The following CYP7B1 variants were observed in gnomAD, a reference collection of about 807,000 sequenced individuals.
CYP7B1 encodes cytochrome P450 family 7 subfamily B member 1, also known as cytochrome P450 7B1.
CYP7B1 carries 29 observed loss-of-function variants against 42.7 expected under a neutral mutation model. That is an observed-to-expected ratio of 0.68 (90% confidence interval 0.51 to 0.93). The LOEUF (loss-of-function observed/expected upper bound fraction) is 0.93. Among genes scored for constraint, CYP7B1 ranks in the 40% least tolerant of loss-of-function variants. The pLI is 0.00. For missense variants in CYP7B1, 655 were observed against 600.5 expected (o/e 1.09, Z -0.95); for synonymous variants, 235 against 218.2 (o/e 1.08, Z -0.68).
At chr8:64,777,477 A>G (rs1215199096) in intron 1 of CYP7B1, among the ~76,000 whole-genome samples, 1 of 152,132 alleles carries the variant, frequency 6.6e-6, no homozygotes, top group Non-Finnish European at 1.5e-5. Context: ...ATGCAGGTCA[A>G]TTTGAGCCCT....
At chr8:64,725,737 T>C (rs1258871316) in intron 1 of CYP7B1, among the ~76,000 whole-genome samples, 1 of 152,170 alleles carries the variant, frequency 6.6e-6, no homozygotes, top group Non-Finnish European at 1.5e-5. Context: ...TAGATATCTT[T>C]TGGTGATGAA....
rs981969611 is a variant in CYP7B1 at position 64,624,514 on chromosome 8, T to G, written c.148A>C (p.Lys50Gln). ...ACTCCAAGATAAGGAAGCCAACCTTTTATCAATGGAGGCTCACCGGGTCTC... is the reference window on the plus strand; with the variant it reads ...ACTCCAAGATAAGGAAGCCAACCTTGTATCAATGGAGGCTCACCGGGTCTC... ...TRRPGEPPLI[K>Q]GWLPYLGVVL... Residue 50 changes from lysine to glutamine, a missense_variant, in exon 2 of 6, where the codon AAA becomes CAA. Physicochemically the swap from Lys to Gln is moderately conservative, Grantham distance 53. Transcript: ENST00000310193. 21 of 1,613,562 alleles carry G rather than the reference T, an allele frequency of 1.3e-5. No homozygotes were observed. The highest frequency in any genetic ancestry group is 1.7e-5 in the Non-Finnish European group (20 of 1,179,908).
At chr8:64,586,823 C>T (rs896769681), downstream of CYP7B1, among the ~76,000 whole-genome samples, 26 of 152,218 alleles carry the variant, frequency 1.7e-4, no homozygotes, top group Admixed American at 1.6e-3. Context: ...GGCTCCTGTG[C>T]TCTCTGTATT....
At position 64,635,762 on chromosome 8, in the gene CYP7B1, T is replaced by C. The variant is rs73689561; in HGVS notation, c.123-11223A>G. ...AAATGTATTTTCACCCTCCAGAGCA[T>C]AACTCTTCAAGCCATATACCAGCTG... On this transcript the variant is annotated intron_variant, in intron 1 of 5. Transcript: ENST00000310193. Among the ~76,000 whole-genome samples, 188 of 152,348 alleles carry C rather than the reference T, an allele frequency of 1.2e-3. 1 individual carries two copies. Among genetic ancestry groups the C allele is most frequent in the African/African-American group, 4.3e-3 (178 of 41,584 alleles).
chr8:64,775,953 C>A (rs558265200), intron 1 of CYP7B1, among the ~76,000 whole-genome samples: 2 of 152,184 alleles, frequency 1.3e-5, no homozygotes, highest in East Asian at 3.9e-4. Flanking sequence ...GAAAACTGAG[C>A]CTTAGAGAAA....
rs149507895 is a variant in CYP7B1, at chr8:64,706,323, C to T, written c.123-81784G>A. Among the ~76,000 whole-genome samples the T allele has an allele frequency of 5.3e-3, 813 of 152,042 alleles. 22 individuals carry two copies. Among genetic ancestry groups the T allele is most frequent in the Admixed American group, 0.043 (662 of 15,236 alleles). On this transcript the variant is annotated intron_variant, in intron 1 of 5. Transcript: ENST00000310193. ...TGCCAATAATGAGTATAAGGGAAAA[C>T]ATTTAAAATGTAGGCGTTCTTTTTA...
chr8:64,765,638 C>T lies in CYP7B1; in HGVS notation c.122+32828G>A, dbSNP rs375370056. Among the ~76,000 whole-genome samples the T allele has an allele frequency of 1.6e-4, 24 of 152,224 alleles. No individual in the cohort carries two copies. In the East Asian group the frequency reaches 4.6e-3, roughly 29 times the overall value. ...AGTGAGCGTTAACTAATCCGATAAGCAGAGGTCCATGGGTGGTTACGCACC... is the reference window on the plus strand; with the variant it reads ...AGTGAGCGTTAACTAATCCGATAAGTAGAGGTCCATGGGTGGTTACGCACC... On this transcript the variant is annotated intron_variant, in intron 1 of 5. Coordinates refer to ENST00000310193, the MANE Select transcript of CYP7B1 (RefSeq NM_004820.5).
intron 1 of CYP7B1, among the ~76,000 whole-genome samples, chr8:64,764,229 G>GCCCCCCCCCCCCCC (rs59605103): frequency 1.6e-5 from 2 of 125,148 alleles, no homozygotes; most frequent in African/African-American, 3.1e-5. Context: ...CTTCCACGCT[G>GCCCCCCCCCCCCCC]CCCCCCCCAC....
chr8:64,777,937 A>G (rs1285795840), intron 1 of CYP7B1, among the ~76,000 whole-genome samples: 4 of 151,842 alleles, frequency 2.6e-5, no homozygotes, highest in Non-Finnish European at 5.9e-5. Context: ...CTTTCCCTTA[A>G]AAAGTAAGAG....
chr8:64,640,078 A>G (rs1260410571), intron 1 of CYP7B1, among the ~76,000 whole-genome samples: 1 of 152,114 alleles, frequency 6.6e-6, no homozygotes, highest in East Asian at 1.9e-4. Context: ...TTTATATGAA[A>G]TTTTTTGAAA....
At chr8:64,729,169 G>A (rs1244906192) in intron 1 of CYP7B1, among the ~76,000 whole-genome samples, 1 of 152,086 alleles carries the variant, frequency 6.6e-6, no homozygotes, top group East Asian at 1.9e-4. Flanking sequence ...CAGAAAAACT[G>A]TAAGAAAATC....
chr8:64,720,136 T>G (rs1807215653), intron 1 of CYP7B1, among the ~76,000 whole-genome samples: 2 of 152,178 alleles, frequency 1.3e-5, no homozygotes, highest in African/African-American at 4.8e-5. Context: ...AAACACTGAA[T>G]AGCTAAGGAT....
In CYP7B1 at chr8:64,623,387, C is replaced by G. The variant is rs537014269; in HGVS notation, c.259+1016G>C. 8.9e-4 allele frequency among the ~76,000 whole-genome samples: 135 copies of G among 152,270 alleles called. 1 individual carries two copies. The highest frequency in any genetic ancestry group is 2.7e-3 in the Admixed American group (41 of 15,290). ...GAAACTTTTCTTGAGGATGAAAGAC[C>G]GTGTGGAAAGGCAGCCCACCCAGGT... is the stretch of plus-strand genomic sequence containing the variant. On this transcript the variant is annotated intron_variant, in intron 2 of 5. Transcript: ENST00000310193.
downstream of CYP7B1, among the ~76,000 whole-genome samples, chr8:64,589,574 C>A (rs936963043): frequency 6.6e-6 from 1 of 152,032 alleles, no homozygotes; most frequent in African/African-American, 2.4e-5. Context: ...TTCATTCAAA[C>A]CTTAATTTTA....
chr8:64,770,557 C>T (rs1804205705), intron 1 of CYP7B1, among the ~76,000 whole-genome samples: 1 of 152,146 alleles, frequency 6.6e-6, no homozygotes, highest in Non-Finnish European at 1.5e-5. Context: ...TATTCATCTA[C>T]CATAAAAATA....
intron 1 of CYP7B1, among the ~76,000 whole-genome samples, chr8:64,735,598 A>G (rs556307854): frequency 2.0e-5 from 3 of 152,366 alleles, no homozygotes; most frequent in South Asian, 2.1e-4. Flanking sequence ...TTTCATGTAT[A>G]CATGAGGTAT....
chr8:64,642,715 A>G (rs1350324099), intron 1 of CYP7B1, among the ~76,000 whole-genome samples: 4 of 152,106 alleles, frequency 2.6e-5, no homozygotes, highest in African/African-American at 9.7e-5. Context: ...AATTGTTGTA[A>G]CATACTTCTT....
chr8:64,664,132 GC>G (rs1390652276), intron 1 of CYP7B1, among the ~76,000 whole-genome samples: 5 of 152,124 alleles, frequency 3.3e-5, no homozygotes, highest in Non-Finnish European at 7.4e-5. Context: ...CACACCCACT[GC>G]CCATGCCTGA....
chr8:64,643,152 T>TAC (rs1554527667), intron 1 of CYP7B1, among the ~76,000 whole-genome samples: 1 of 116,430 alleles, frequency 8.6e-6, no homozygotes, highest in Admixed American at 9.9e-5. Flanking sequence ...TATACATATA[T>TAC]ACATATATAC....
Sources: gnomAD v4.1 joint callset for allele counts (sites outside exome capture counted in the v4.1 genomes callset) on GRCh38, gnomAD v4.1.1 for gene constraint, MANE v1.5 for transcripts, NCBI Gene and HGNC (gene_info 2026-07-23, HGNC 2026-07-21) for gene names.